Variants in SYNJ2BP observed in about 807,000 individuals in gnomAD.
SYNJ2BP encodes the protein synaptojanin-2-binding protein.
A neutral mutation model predicts 16.9 loss-of-function variants in SYNJ2BP; 10 were observed. The observed-to-expected ratio is 0.59, with a 90% CI of 0.36 to 1.00. SYNJ2BP has a LOEUF of 1.00. Among genes scored for constraint, SYNJ2BP ranks in the 50% least tolerant of loss-of-function variants. The probability of loss-of-function intolerance (pLI) is 0.01; values close to 1 mark genes in which losing one functional copy is unlikely to be tolerated. For missense variants in SYNJ2BP, 162 were observed against 186.7 expected, an observed-to-expected ratio of 0.87 and a Z score of 0.77; for synonymous variants, 54 against 68.4, an observed-to-expected ratio of 0.79 and a Z score of 1.04.
chr14:70,376,935 A>G (rs1887643586), intron 2 of SYNJ2BP, among the ~76,000 whole-genome samples: 7 of 152,052 alleles, frequency 4.6e-5, no homozygotes, highest in Admixed American at 3.3e-4. Context: ...AGGCACTCAT[A>G]ATCTTCCCTC....
At chr14:70,377,425 G>C (rs146772955) in intron 2 of SYNJ2BP, among the ~76,000 whole-genome samples, 1 of 152,000 alleles carries the variant, frequency 6.6e-6, no homozygotes, top group East Asian at 1.9e-4. Context: ...CCTTAAAACC[G>C]CTTCTACTCA....
At chr14:70,379,054 G>A (rs1887693573) in intron 2 of SYNJ2BP, among the ~76,000 whole-genome samples, 2 of 151,714 alleles carry the variant, frequency 1.3e-5, no homozygotes, top group Admixed American at 6.6e-5. Flanking sequence ...ATCATCTTTG[G>A]AGAAAGGAAC....
intron 1 of SYNJ2BP, among the ~76,000 whole-genome samples, chr14:70,390,182 T>C (rs10142184): frequency 0.013 from 1,493 of 117,846 alleles, 30 homozygotes; most frequent in African/African-American, 0.037. Flanking sequence ...ATTTTACCTA[T>C]GCATAAAAAA....
intron 2 of SYNJ2BP, among the ~76,000 whole-genome samples, chr14:70,386,378 G>C (rs925181417): frequency 2.0e-5 from 3 of 152,210 alleles, no homozygotes; most frequent in Non-Finnish European, 4.4e-5. Flanking sequence ...AAGCTTAATG[G>C]ACTGAAGAGA....
intron 1 of SYNJ2BP, among the ~76,000 whole-genome samples, chr14:70,406,813 A>C (rs1356563496): frequency 1.3e-5 from 2 of 151,968 alleles, no homozygotes; most frequent in Non-Finnish European, 2.9e-5. Context: ...CCACCTGACA[A>C]ATTATCCTTA....
At chr14:70,411,832 A>T (rs1214517959) in intron 1 of SYNJ2BP, among the ~76,000 whole-genome samples, 1 of 151,926 alleles carries the variant, frequency 6.6e-6, no homozygotes, top group Admixed American at 6.6e-5. Flanking sequence ...CCTCCTCATC[A>T]TTTTCCTTAA....
In SYNJ2BP at chr14:70,398,533, C is replaced by T. The variant is rs55754533; in HGVS notation, c.65-9927G>A. On this transcript the variant is annotated intron_variant, in intron 1 of 3. Transcript: ENST00000256366. ...CAGCACTGCCCTAAGTGTGTACACA[C>T]TGGGCCGGGCTTTGACAGCACTCAG... 2.6e-4 allele frequency among the ~76,000 whole-genome samples: 40 copies of T among 152,300 alleles called. 1 individual carries two copies. The highest frequency in any genetic ancestry group is 9.6e-4 in the African/African-American group (40 of 41,562).
chr14:70,389,737 G>A (rs1887939917), intron 1 of SYNJ2BP, among the ~76,000 whole-genome samples: 1 of 152,140 alleles, frequency 6.6e-6, no homozygotes, highest in Admixed American at 6.5e-5. Context: ...TCAAATTTCA[G>A]ATTTTTGGAT....
At chr14:70,375,655 C>G in intron 3 of SYNJ2BP, 21 bp downstream of exon 3, 1 of 1,602,666 alleles carries the variant, frequency 6.2e-7, no homozygotes, top group South Asian at 1.1e-5. Context: ...TGCCAGGTTT[C>G]TGGCTCAAAG....
chr14:70,389,382 T>C (rs8004176), intron 1 of SYNJ2BP, among the ~76,000 whole-genome samples: 19 of 43,028 alleles, frequency 4.4e-4, no homozygotes, highest in Non-Finnish European at 6.9e-4. Flanking sequence ...TCTTTTTTTT[T>C]TTTTTTTTTT....
In SYNJ2BP at chr14:70,368,438, A is replaced by C. The variant is rs1327376144; in HGVS notation, c.*4553T>G. 1 of 152,252 alleles carries C rather than the reference A, an allele frequency of 6.6e-6. No individual in the cohort carries two copies. The highest frequency in any genetic ancestry group is 1.5e-5 in the Non-Finnish European group (1 of 68,044). The allele number at this position is 152,252 out of a possible 1,614,324, so 9.4% of individuals were successfully genotyped here. ...CTTCTGCAACAAACTAAGTCTGATC[A>C]GAGTTAAGTTAGCTTCCCTCTCTGA... On this transcript the variant is annotated 3_prime_UTR_variant, in exon 4 of 4. Transcript: ENST00000256366.
At chr14:70,391,016 T>C (rs932397669) in intron 1 of SYNJ2BP, among the ~76,000 whole-genome samples, 2 of 151,690 alleles carry the variant, frequency 1.3e-5, no homozygotes, top group African/African-American at 4.8e-5. Context: ...ATGACCAACA[T>C]TGGGAGGCTG....
At chr14:70,381,197 T>C (rs1428174502) in intron 2 of SYNJ2BP, among the ~76,000 whole-genome samples, 2 of 152,198 alleles carry the variant, frequency 1.3e-5, no homozygotes, top group African/African-American at 2.4e-5. Flanking sequence ...AGTCTCCTTC[T>C]GCTAACAGGG....
At chr14:70,391,122 T>C (rs1328321003) in intron 1 of SYNJ2BP, among the ~76,000 whole-genome samples, 2 of 151,968 alleles carry the variant, frequency 1.3e-5, no homozygotes, top group African/African-American at 2.4e-5. Flanking sequence ...GAGACCCCCA[T>C]CTCAAAAATA....
chr14:70,408,938 A>G (rs1426458442), intron 1 of SYNJ2BP, among the ~76,000 whole-genome samples: 4 of 152,034 alleles, frequency 2.6e-5, no homozygotes, highest in South Asian at 2.1e-4. Flanking sequence ...GGTTCAAGCA[A>G]TTCTCCTGCC....
chr14:70,372,672 A>C lies in SYNJ2BP; in HGVS notation c.*319T>G, dbSNP rs11844845. 0.21 allele frequency: 43,981 copies of C among 209,744 alleles called. 6,356 individuals carry two copies. The highest frequency in any genetic ancestry group is 0.58 in the East Asian group (5,162 of 8,852). The allele number at this position is 209,744 out of a possible 1,614,324, so 13.0% of individuals were successfully genotyped here. On this transcript the variant is annotated 3_prime_UTR_variant, in exon 4 of 4. Coordinates refer to ENST00000256366, the MANE Select transcript of SYNJ2BP (RefSeq NM_018373.3). ...CTTTATGGCATGCCAGCTAAGAAAAAAGGTATTGCCTATGGTGACAGGAAG... is the reference window on the plus strand; with the variant it reads ...CTTTATGGCATGCCAGCTAAGAAAACAGGTATTGCCTATGGTGACAGGAAG...
intron 1 of SYNJ2BP, among the ~76,000 whole-genome samples, chr14:70,398,485 G>A (rs140314903): frequency 3.7e-4 from 57 of 152,310 alleles, no homozygotes; most frequent in African/African-American, 1.3e-3. Context: ...AGAGAGGGCT[G>A]AGGCAGCAAG....
intron 1 of SYNJ2BP, among the ~76,000 whole-genome samples, chr14:70,411,047 T>G (rs1487243988): frequency 6.6e-6 from 1 of 152,120 alleles, no homozygotes; most frequent in Non-Finnish European, 1.5e-5. Flanking sequence ...ATATATGTTC[T>G]TTGACTCAGA....
chr14:70,398,961 T>G (rs889367888), intron 1 of SYNJ2BP, among the ~76,000 whole-genome samples: 1 of 152,070 alleles, frequency 6.6e-6, no homozygotes, highest in African/African-American at 2.4e-5. Flanking sequence ...CAGGAGCAGA[T>G]AGTGGGCCCC....
Sources: gnomAD v4.1 joint callset for allele counts (sites outside exome capture counted in the v4.1 genomes callset) on GRCh38, gnomAD v4.1.1 for gene constraint, MANE v1.5 for transcripts, NCBI Gene and HGNC (gene_info 2026-07-23, HGNC 2026-07-21) for gene names.